Variants in GRM3 observed in about 807,000 individuals in gnomAD.
GRM3 encodes the protein glutamate metabotropic receptor 3.
In GRM3, 26 loss-of-function variants were observed where a neutral mutation model predicts 70.5. The observed-to-expected ratio is 0.37, with a 90% CI of 0.27 to 0.51. The LOEUF (loss-of-function observed/expected upper bound fraction) is 0.51. GRM3 is among the 20% of genes least tolerant of loss of function. The pLI is 0.93. For missense variants in GRM3, 859 were observed against 1,123.8 expected (o/e 0.76, Z 3.37); for synonymous variants, 443 against 434.9 (o/e 1.02, Z -0.23).
intron 3 of GRM3, among the ~76,000 whole-genome samples, chr7:86,829,822 T>C (rs1469111741): frequency 6.6e-6 from 1 of 152,112 alleles, no homozygotes; most frequent in Non-Finnish European, 1.5e-5. Context: ...TGCCAGAAAG[T>C]GACACAGACA....
At chr7:86,862,686 T>C (rs1798983187) in intron 5 of GRM3, among the ~76,000 whole-genome samples, 1 of 152,168 alleles carries the variant, frequency 6.6e-6, no homozygotes, top group South Asian at 2.1e-4. Flanking sequence ...TTTTCTTACA[T>C]ACCTAGCCAA....
intron 2 of GRM3, among the ~76,000 whole-genome samples, chr7:86,777,687 CAA>C (rs1269839460): frequency 1.3e-5 from 2 of 152,092 alleles, no homozygotes; most frequent in Non-Finnish European, 2.9e-5. Flanking sequence ...CAAAACAAAA[CAA>C]AAAAAGTTAC....
chr7:86,728,878 A>G (rs563018050), intron 1 of GRM3, among the ~76,000 whole-genome samples: 3 of 152,300 alleles, frequency 2.0e-5, no homozygotes, highest in African/African-American at 7.2e-5. Context: ...GCTTGTGGTG[A>G]TACACAGGGT....
rs1306520269 is a variant in GRM3 at position 86,644,588 on chromosome 7, C to T, written c.-425C>T. 4.8e-6 allele frequency: 2 copies of T among 416,898 alleles called. No individual in the cohort carries two copies. The highest frequency in any genetic ancestry group is 9.6e-6 in the Non-Finnish European group (2 of 207,922). 25.8% of individuals were successfully genotyped at this position (416,898 alleles called of 1,614,324 possible). Reference sequence around the variant, plus strand: ...CTCCACCCCTCCGTTTTCCCACTCCCCACTGACTCGGATGCCTGGATGTTC... The same window carrying T: ...CTCCACCCCTCCGTTTTCCCACTCCTCACTGACTCGGATGCCTGGATGTTC... On this transcript the variant is annotated 5_prime_UTR_variant, in exon 1 of 6. Transcript: ENST00000361669.
At chr7:86,779,998 T>C (rs1456337928) in intron 2 of GRM3, among the ~76,000 whole-genome samples, 2 of 150,368 alleles carry the variant, frequency 1.3e-5, no homozygotes, top group African/African-American at 5.0e-5. Flanking sequence ...CTTGCAATAG[T>C]TTGCTGAGAA....
chr7:86,778,980 T>TGG (rs974755350), intron 2 of GRM3, among the ~76,000 whole-genome samples: 2 of 152,100 alleles, frequency 1.3e-5, no homozygotes, highest in Non-Finnish European at 2.9e-5. Context: ...AAGCAAAATT[T>TGG]GGATACACAC....
At chr7:86,831,700 G>T (rs1176450018) in intron 3 of GRM3, among the ~76,000 whole-genome samples, 1 of 141,832 alleles carries the variant, frequency 7.1e-6, no homozygotes, top group African/African-American at 2.6e-5. Flanking sequence ...GTAGAATCTA[G>T]ATAGAAAAAC....
intron 1 of GRM3, among the ~76,000 whole-genome samples, chr7:86,714,299 T>G (rs1795265381): frequency 1.3e-5 from 2 of 152,022 alleles, no homozygotes; most frequent in Non-Finnish European, 2.9e-5. Flanking sequence ...TTTTCTGAAT[T>G]TTTTTAAACC....
At chr7:86,776,872 A>T (rs1349634586) in intron 2 of GRM3, among the ~76,000 whole-genome samples, 5 of 152,154 alleles carry the variant, frequency 3.3e-5, no homozygotes, top group Admixed American at 2.6e-4. Context: ...TATGACACAG[A>T]CTTTTTGATC....
intron 1 of GRM3, among the ~76,000 whole-genome samples, chr7:86,757,040 A>G (rs920307080): frequency 5.3e-5 from 8 of 152,112 alleles, no homozygotes; most frequent in Admixed American, 4.6e-4. Context: ...GTATTTTTAT[A>G]GTTTCCCTTC....
intron 5 of GRM3, among the ~76,000 whole-genome samples, chr7:86,852,781 T>C (rs1798777956): frequency 6.6e-6 from 1 of 152,110 alleles, no homozygotes; most frequent in Admixed American, 6.6e-5. Flanking sequence ...TACTCTTTTA[T>C]TCAAAGTAGT....
intron 1 of GRM3, among the ~76,000 whole-genome samples, chr7:86,746,075 T>C (rs1006011331): frequency 2.6e-5 from 4 of 151,964 alleles, no homozygotes; most frequent in African/African-American, 9.7e-5. Context: ...TCCAACTTTG[T>C]CAAAGATACA....
At chr7:86,733,656 G>C (rs1795790118) in intron 1 of GRM3, among the ~76,000 whole-genome samples, 1 of 152,198 alleles carries the variant, frequency 6.6e-6, no homozygotes, top group Non-Finnish European at 1.5e-5. Flanking sequence ...CAGCGAAATA[G>C]GGAGTGTCAG....
At chr7:86,806,076 A>G (rs1797785317) in intron 3 of GRM3, among the ~76,000 whole-genome samples, 1 of 151,960 alleles carries the variant, frequency 6.6e-6, no homozygotes, top group Admixed American at 6.6e-5. Flanking sequence ...AAGGACATGA[A>G]CTCATCCTTT....
intron 1 of GRM3, among the ~76,000 whole-genome samples, chr7:86,657,959 G>A (rs1232898334): frequency 6.6e-6 from 1 of 152,176 alleles, no homozygotes; most frequent in Non-Finnish European, 1.5e-5. Context: ...TGTGGGAGTT[G>A]TCTTTCTTTT....
chr7:86,741,234 A>C (rs1318033718), intron 1 of GRM3, among the ~76,000 whole-genome samples: 1 of 152,194 alleles, frequency 6.6e-6, no homozygotes, highest in Non-Finnish European at 1.5e-5. Context: ...CCAGTGAATG[A>C]AACATAGGGT....
intron 1 of GRM3, among the ~76,000 whole-genome samples, chr7:86,685,038 T>C (rs1794530774): frequency 6.6e-6 from 1 of 152,248 alleles, no homozygotes; most frequent in Non-Finnish European, 1.5e-5. Context: ...ACTGTTACTT[T>C]TGTTTTCTTA....
chr7:86,687,251 G>A (rs1447669974), intron 1 of GRM3, among the ~76,000 whole-genome samples: 1 of 151,772 alleles, frequency 6.6e-6, no homozygotes, highest in East Asian at 1.9e-4. Flanking sequence ...ATAGACATAA[G>A]ATCCAAAAAG....
intron 4 of GRM3, among the ~76,000 whole-genome samples, chr7:86,846,482 T>C (rs1019875839): frequency 6.6e-6 from 1 of 152,170 alleles, no homozygotes; most frequent in Non-Finnish European, 1.5e-5. Context: ...GCAATTTTTG[T>C]GTAAAAGAGA....
Sources: gnomAD v4.1 joint callset for allele counts (sites outside exome capture counted in the v4.1 genomes callset) on GRCh38, gnomAD v4.1.1 for gene constraint, MANE v1.5 for transcripts, NCBI Gene and HGNC (gene_info 2026-07-23, HGNC 2026-07-21) for gene names.